The following KDM3A variants were observed in gnomAD, a reference collection of about 807,000 sequenced individuals.
KDM3A encodes the protein lysine-specific demethylase 3A.
In KDM3A, 60 loss-of-function variants were observed where a neutral mutation model predicts 158.0. The observed-to-expected ratio is 0.38, with a 90% CI of 0.31 to 0.47. The LOEUF (loss-of-function observed/expected upper bound fraction) is 0.47. KDM3A is among the 20% of genes least tolerant of loss of function. The pLI, the probability that KDM3A is intolerant of heterozygous loss-of-function variation, is 0.99. For synonymous variants in KDM3A, 608 were observed against 549.3 expected, an observed-to-expected ratio of 1.11 and a Z score of -1.49; for missense variants, 1,319 against 1,574.3, an observed-to-expected ratio of 0.84 and a Z score of 2.74.
intron 15 of KDM3A, 151 bp downstream of exon 15, chr2:86,478,886 T>A: frequency 1.4e-6 from 1 of 717,728 alleles, no homozygotes. Context: ...ATACAGTTCA[T>A]GTGACAGTTC....
chr2:86,464,416 A>G (rs1673051334), intron 9 of KDM3A, among the ~76,000 whole-genome samples, 200 bp downstream of exon 9: 1 of 152,204 alleles, frequency 6.6e-6, no homozygotes, highest in Non-Finnish European at 1.5e-5. Flanking sequence ...GAAAGGGGGC[A>G]TGAGAAAAGA....
intron 5 of KDM3A, among the ~76,000 whole-genome samples, chr2:86,455,804 AAATT>A: frequency 6.6e-6 from 1 of 151,884 alleles, no homozygotes; most frequent in Non-Finnish European, 1.5e-5. Context: ...ATTTTTAAAA[AAATT>A]AGCCCGGTGT....
rs147119313 is a variant in KDM3A at position 86,451,110 on chromosome 2, A to C, written c.350A>C (p.Lys117Thr). 15 of 1,602,454 alleles carry C rather than the reference A, an allele frequency of 9.4e-6. No homozygotes were observed. In the South Asian group the frequency reaches 1.4e-4, roughly 14 times the overall value. Reference sequence around the variant, plus strand: ...TGTTTTCTTTTGTTTTAGACGTACAAACCTCTGTTGGACAAAGCTGGTTTG... The same window carrying C: ...TGTTTTCTTTTGTTTTAGACGTACACACCTCTGTTGGACAAAGCTGGTTTG... ...RIVQWPAITYKPLLDKAGLGS... is the reference protein window; with the variant it reads ...RIVQWPAITYTPLLDKAGLGS... The change falls in exon 4 of 26, where the codon AAA (lysine) becomes ACA (threonine). Residue 117 changes from lysine (K) to threonine (T), a missense_variant. This residue lies in a region of KDM3A where 652 missense variants were observed against 627.2 expected (regional missense o/e 1.04). Transcript: ENST00000312912.
rs1304838484 is a variant in KDM3A at position 86,478,618 on chromosome 2, T to C, written c.2199T>C (p.Asp733=). 2 of 1,614,144 alleles carry C rather than the reference T, an allele frequency of 1.2e-6. No homozygotes were observed. Among genetic ancestry groups the C allele is most frequent in the Non-Finnish European group, 1.7e-6 (2 of 1,179,982 alleles). ...CTGCCCTTTCTTTAGCACTCTATGATGTTGGAGACATTGTTCATTCTGTAA... is the reference window on the plus strand; with the variant it reads ...CTGCCCTTTCTTTAGCACTCTATGACGTTGGAGACATTGTTCATTCTGTAA... ...TQIIPGKALY[D]VGDIVHSVRA... Residue 733 remains aspartate, a synonymous_variant, in exon 15 of 26, where the codon GAT becomes GAC. Coordinates refer to ENST00000312912, the MANE Select transcript of KDM3A (RefSeq NM_018433.6).
At chr2:86,463,889 C>T (rs924970646) in intron 8 of KDM3A, among the ~76,000 whole-genome samples, 164 bp from the exon 9 acceptor site, 10 of 152,146 alleles carry the variant, frequency 6.6e-5, no homozygotes, top group Non-Finnish European at 7.4e-5. Context: ...TCTTAAAGCC[C>T]TGAATTGTAT....
intron 21 of KDM3A, among the ~76,000 whole-genome samples, chr2:86,486,663 T>TGTGG (rs1232154930): frequency 6.6e-6 from 1 of 152,216 alleles, no homozygotes; most frequent in African/African-American, 2.4e-5. Context: ...GCCTTAGACC[T>TGTGG]GTGGGTGTCT....
intron 21 of KDM3A, 64 bp from the exon 22 acceptor site, chr2:86,489,254 T>C (rs2104715488): frequency 6.4e-7 from 1 of 1,562,826 alleles, no homozygotes; most frequent in Non-Finnish European, 8.7e-7. Flanking sequence ...CCCAGGTAGG[T>C]AGTGGAAAGA....
At chr2:86,471,235 A>G (rs905003894) in intron 11 of KDM3A, among the ~76,000 whole-genome samples, 8 of 151,656 alleles carry the variant, frequency 5.3e-5, no homozygotes, top group African/African-American at 1.9e-4. Context: ...GTGTGTGTGT[A>G]TGTATATGTG....
At chr2:86,474,094 C>T (rs936962201) in intron 11 of KDM3A, among the ~76,000 whole-genome samples, 1 of 152,124 alleles carries the variant, frequency 6.6e-6, no homozygotes, top group African/African-American at 2.4e-5. Flanking sequence ...TGTTTGTTAA[C>T]GACTTAACTT....
At chr2:86,486,834 G>A (rs1039756796) in intron 21 of KDM3A, 2 of 152,360 alleles carry the variant, frequency 1.3e-5, no homozygotes, top group African/African-American at 4.8e-5. Flanking sequence ...TGTTGTGACA[G>A]GGGAGTGTTT....
upstream of KDM3A, among the ~76,000 whole-genome samples, chr2:86,439,223 G>A (rs1246275354): frequency 5.9e-5 from 9 of 151,910 alleles, no homozygotes; most frequent in Non-Finnish European, 1.0e-4. Context: ...TAGCCCTAAG[G>A]TGAATATACG....
At chr2:86,466,953 C>T in intron 10 of KDM3A, 70 bp downstream of exon 10, 1 of 1,190,912 alleles carries the variant, frequency 8.4e-7, no homozygotes, top group Non-Finnish European at 1.2e-6. Context: ...CTTTCTTGTC[C>T]TATGAGAAAC....
chr2:86,472,411 TC>T (rs1177885236), intron 11 of KDM3A, among the ~76,000 whole-genome samples: 1 of 152,132 alleles, frequency 6.6e-6, no homozygotes, highest in Non-Finnish European at 1.5e-5. Context: ...CAAGTTTGTA[TC>T]TCATTAAACT....
chr2:86,464,596 C>T (rs1365267388), intron 9 of KDM3A, among the ~76,000 whole-genome samples: 1 of 152,158 alleles, frequency 6.6e-6, no homozygotes, highest in Non-Finnish European at 1.5e-5. Flanking sequence ...GCAGCCTCGA[C>T]ATGAATTGAC....
chr2:86,472,686 A>G (rs1205750920), intron 11 of KDM3A, among the ~76,000 whole-genome samples: 1 of 152,212 alleles, frequency 6.6e-6, no homozygotes, highest in Non-Finnish European at 1.5e-5. Flanking sequence ...TTTCTAAAAC[A>G]CAACTTTGCA....
Position 86,449,796 on chromosome 2 carries a change from T to G in KDM3A, c.187-11T>G. 1 of 1,572,098 alleles carries G rather than the reference T, an allele frequency of 6.4e-7. No individual in the cohort carries two copies. On this transcript the variant is annotated splice_polypyrimidine_tract_variant and intron_variant, in intron 2 of 25. Coordinates refer to ENST00000312912, the MANE Select transcript of KDM3A (RefSeq NM_018433.6). ...ATCTGCTTCCCCCACCCCCCAATTT[T>G]GTCTGTCTAGGTGTGTGTGGAATTT...
chr2:86,449,879 G>A lies in KDM3A; in HGVS notation c.259G>A (p.Ala87Thr). ...WIEVYSLLRR[A>T]FLVEHNLVLA... ...AGAAGTCTACAGCCTTCTAAGGAGA[G>A]CATTTTTAGTAGAACATAATTTGGT... The change falls in exon 3 of 26, where the codon GCA becomes ACA. Residue 87 changes from alanine (A) to threonine (T), a missense_variant. Around this residue, in one of 4 missense-constraint regions of KDM3A, gnomAD observed 652 missense variants for 627.2 expected, o/e 1.04. Transcript: ENST00000312912. The A allele has an allele frequency of 6.2e-7, 1 of 1,613,808 alleles. No homozygotes were observed. The highest frequency in any genetic ancestry group is 1.3e-5 in the African/African-American group (1 of 74,976).
chr2:86,491,007 G>T lies in KDM3A; in HGVS notation c.3700G>T (p.Val1234Leu). 1 of 1,614,028 alleles carries T rather than the reference G, an allele frequency of 6.2e-7. No homozygotes were observed. The highest frequency in any genetic ancestry group is 8.5e-7 in the Non-Finnish European group (1 of 1,179,926). ...QEYGVQGWAIVQFLGDVVFIP... is the reference protein window; with the variant it reads ...QEYGVQGWAILQFLGDVVFIP... Reference sequence around the variant, plus strand: ...GTATGGAGTTCAAGGCTGGGCTATTGTACAGTTTCTTGGGGATGTGGTGTT... The same window carrying T: ...GTATGGAGTTCAAGGCTGGGCTATTTTACAGTTTCTTGGGGATGTGGTGTT... Residue 1234 changes from valine (V) to leucine (L), a missense_variant, in exon 24 of 26, where the codon GTA (valine) becomes TTA (leucine). By Grantham distance (32) the Val-to-Leu change is conservative. Coordinates refer to ENST00000312912, the MANE Select transcript of KDM3A (RefSeq NM_018433.6).
intron 12 of KDM3A, among the ~76,000 whole-genome samples, chr2:86,477,653 A>G (rs1673721096): frequency 6.6e-6 from 1 of 152,128 alleles, no homozygotes; most frequent in African/African-American, 2.4e-5. Context: ...CTGAATACAT[A>G]AAGTGAGAAG....
Sources: allele counts gnomAD v4.1 joint callset (sites outside exome capture counted in the v4.1 genomes callset), GRCh38; gene constraint gnomAD v4.1.1; regional missense constraint gnomAD v4.1.1; transcripts MANE v1.5; gene names NCBI Gene and HGNC (gene_info 2026-07-23, HGNC 2026-07-21).